The following UBIAD1 variants were observed in gnomAD, a reference collection of about 807,000 sequenced individuals.
UBIAD1 encodes UbiA prenyltransferase domain containing 1, also known as ubiA prenyltransferase domain-containing protein 1.
UBIAD1 carries 12 observed loss-of-function variants against 20.1 expected under a neutral mutation model. The observed-to-expected ratio is 0.60, with a 90% CI of 0.38 to 0.97. The LOEUF (loss-of-function observed/expected upper bound fraction) is 0.97. Ranked by LOEUF, UBIAD1 falls within the 50% of genes least tolerant of loss-of-function variation. The pLI is 0.00. For synonymous variants in UBIAD1, 207 were observed against 189.2 expected, an observed-to-expected ratio of 1.09 and a Z score of -0.77; for missense variants, 333 against 419.5, an observed-to-expected ratio of 0.79 and a Z score of 1.80.
rs1451070040 is a variant in UBIAD1, at chr1:11,288,142, C to T, written c.*2011C>T. ...GCTCACAGGGGTTTTGCCTTCTGAC[C>T]TCTCCTTGGAGTAGGCCATTCTCAT... On this transcript the variant is annotated 3_prime_UTR_variant, in exon 2 of 2. Coordinates refer to ENST00000376810, the MANE Select transcript of UBIAD1 (RefSeq NM_013319.3). 2 of 152,138 alleles carry T rather than the reference C, an allele frequency of 1.3e-5. No individual in the cohort carries two copies. Among genetic ancestry groups the T allele is most frequent in the African/African-American group, 4.8e-5 (2 of 41,426 alleles). 9.4% of individuals were successfully genotyped at this position (152,138 alleles called of 1,614,324 possible). A position where few individuals can be genotyped will look rare whatever the true frequency, so the allele number is the denominator to read the frequency against.
Position 11,295,047 on chromosome 1 carries a change from G to A in UBIAD1, c.*164G>A. ...CTCGGGGTGGGCAGCATCTGGAGCT[G>A]ACAATTGTATGCATGTTCAGGACAC... On this transcript the variant is annotated 3_prime_UTR_variant, in exon 2 of 2. Coordinates refer to the UBIAD1 transcript ENST00000376804. 4 of 683,100 alleles carry A rather than the reference G, an allele frequency of 5.9e-6. No individual in the cohort carries two copies. In the South Asian group the frequency reaches 6.3e-5, roughly 11 times the overall value. The allele number at this position is 683,100 out of a possible 1,614,324, so 42.3% of individuals were successfully genotyped here.
At chr1:11,292,691 AC>A (rs1638386389), downstream of UBIAD1, among the ~76,000 whole-genome samples, 2 of 151,780 alleles carry the variant, frequency 1.3e-5, no homozygotes, top group Non-Finnish European at 2.9e-5. Context: ...ACACACACAC[AC>A]ACACACACAC....
At chr1:11,294,768 T>A in intron 1 of UBIAD1, 1 of 715,730 alleles carries the variant, frequency 1.4e-6, no homozygotes, top group African/African-American at 1.7e-5. Flanking sequence ...TAATGGAGAG[T>A]GGCTCCTGCC....
chr1:11,275,407 T>G (rs2101014369), intron 1 of UBIAD1, among the ~76,000 whole-genome samples: 1 of 152,212 alleles, frequency 6.6e-6, no homozygotes, highest in African/African-American at 2.4e-5. Flanking sequence ...GGACACAGAT[T>G]ACTATTTTAA....
chr1:11,275,827 T>C (rs1652003332), intron 1 of UBIAD1, among the ~76,000 whole-genome samples: 2 of 151,944 alleles, frequency 1.3e-5, no homozygotes, highest in South Asian at 4.2e-4. Context: ...AGAGGAGCAT[T>C]TCAGGAAAAG....
chr1:11,278,860 A>G (rs891687404), intron 1 of UBIAD1: 2 of 424,768 alleles, frequency 4.7e-6, no homozygotes, highest in Non-Finnish European at 8.8e-6. Context: ...TTTTCAGGCT[A>G]TATATTCTTT....
At chr1:11,289,932 A>G (rs1638338090), downstream of UBIAD1, among the ~76,000 whole-genome samples, 1 of 152,054 alleles carries the variant, frequency 6.6e-6, no homozygotes, top group African/African-American at 2.4e-5. Context: ...GGGTTTCACC[A>G]TGTTGGCCAG....
intron 1 of UBIAD1, among the ~76,000 whole-genome samples, chr1:11,275,244 G>T (rs1043400742): frequency 6.6e-6 from 1 of 152,202 alleles, no homozygotes; most frequent in Non-Finnish European, 1.5e-5. Context: ...ATCCTGGTTT[G>T]CTCAGGACTA....
At chr1:11,277,924 G>A (rs1380816654) in intron 1 of UBIAD1, among the ~76,000 whole-genome samples, 1 of 151,758 alleles carries the variant, frequency 6.6e-6, no homozygotes, top group African/African-American at 2.4e-5. Flanking sequence ...CATTAAAGGT[G>A]TGAGCCACCT....
chr1:11,290,199 C>G (rs534808350), downstream of UBIAD1, among the ~76,000 whole-genome samples: 2 of 152,154 alleles, frequency 1.3e-5, no homozygotes, highest in African/African-American at 4.8e-5. Flanking sequence ...TTATTCTGCT[C>G]CCCAGGCAGG....
At position 11,273,772 on chromosome 1, in the gene UBIAD1, CCCAGGCTCTTGG is replaced by C; in HGVS notation, c.242_253del (p.Pro81_Val85delinsLeu). The C allele has an allele frequency of 6.2e-7, 1 of 1,614,120 alleles. No individual in the cohort carries two copies. The highest frequency in any genetic ancestry group is 8.5e-7 in the Non-Finnish European group (1 of 1,180,024). On this transcript the variant is annotated inframe_deletion, in exon 1 of 2. Coordinates refer to ENST00000376810, the MANE Select transcript of UBIAD1 (RefSeq NM_013319.3). The surrounding 1 kb of genome is among the most constrained non-coding windows in gnomAD (Gnocchi z 4.9). ...CTACAGATCCCACGGTGTCCTGGAT[CCCAGGCTCTTGG>C]TGGGTTGTGCCGTGGCTGTCCTGGC...
Position 11,286,194 on chromosome 1 carries a change from T to A in UBIAD1, c.*63T>A. The A allele has an allele frequency of 1.2e-6, 2 of 1,607,370 alleles. No individual in the cohort carries two copies. The highest frequency in any genetic ancestry group is 1.7e-6 in the Non-Finnish European group (2 of 1,175,794). ...CTTAGAATATATTAAAGTCAGAGTCTCTGAGGAAGGAATGTGATTTGGCAG... is the reference window on the plus strand; with the variant it reads ...CTTAGAATATATTAAAGTCAGAGTCACTGAGGAAGGAATGTGATTTGGCAG... On this transcript the variant is annotated 3_prime_UTR_variant, in exon 2 of 2. Coordinates refer to ENST00000376810, the MANE Select transcript of UBIAD1 (RefSeq NM_013319.3).
At chr1:11,281,641 T>G (rs1295819834) in intron 1 of UBIAD1, among the ~76,000 whole-genome samples, 7 of 152,156 alleles carry the variant, frequency 4.6e-5, no homozygotes, top group African/African-American at 1.7e-4. Context: ...ATGTATACAG[T>G]TGCATAACCC....
chr1:11,275,009 TATAG>T (rs1377466087), intron 1 of UBIAD1, among the ~76,000 whole-genome samples: 5 of 152,184 alleles, frequency 3.3e-5, no homozygotes, highest in East Asian at 1.9e-4. Context: ...TTCAAAATGA[TATAG>T]ATAATTACTT....
rs1651873105 is a variant in UBIAD1 at position 11,273,662 on chromosome 1, A to C, written c.131A>C (p.Gln44Pro). ...AGGCTCCCCCAGCGCTCCTGGAGGC[A>C]GAAGTGTGCCTCCTACGTGTTGGCC... ...QDRLPQRSWR[Q>P]KCASYVLALR... is the part of the protein sequence containing the mutation. The change falls in exon 1 of 2, where the codon CAG becomes CCG. Residue 44 changes from glutamine to proline, a missense_variant. Gln to Pro is a moderately conservative substitution (Grantham distance 76, BLOSUM62 -1). This residue lies in a region of UBIAD1 where 57 missense variants were observed against 54.7 expected (regional missense o/e 1.04). Coordinates refer to ENST00000376810, the MANE Select transcript of UBIAD1 (RefSeq NM_013319.3). This position sits in a 1 kb window ranked among gnomAD's most constrained non-coding sequence, Gnocchi z 4.9. 2 of 1,614,166 alleles carry C rather than the reference A, an allele frequency of 1.2e-6. No individual in the cohort carries two copies. The highest frequency in any genetic ancestry group is 1.7e-6 in the Non-Finnish European group (2 of 1,180,032).
Position 11,285,667 on chromosome 1 carries a change from C to G in UBIAD1, c.553C>G (p.Leu185Val). ...AGGAATTGGATTCAAGTACGTGGCT[C>G]TGGGAGACCTCATCATCCTCATCAC... The part of the protein sequence containing the change: ...TGGIGFKYVA[L>V]GDLIILITFG... Residue 185 changes from leucine (L) to valine (V), a missense_variant, in exon 2 of 2, where the codon CTG becomes GTG. By Grantham distance (32) the Leu-to-Val change is conservative (BLOSUM62 1). Coordinates refer to ENST00000376810, the MANE Select transcript of UBIAD1 (RefSeq NM_013319.3). This position sits in a 1 kb window ranked among gnomAD's most constrained non-coding sequence, Gnocchi z 4.4. 1 of 1,614,200 alleles carries G rather than the reference C, an allele frequency of 6.2e-7. No individual in the cohort carries two copies. The highest frequency in any genetic ancestry group is 8.5e-7 in the Non-Finnish European group (1 of 1,180,048).
In UBIAD1 at chr1:11,286,294, T is replaced by C. The variant is rs1638261131; in HGVS notation, c.*163T>C. On this transcript the variant is annotated 3_prime_UTR_variant, in exon 2 of 2. Transcript: ENST00000376810. ...TGTGTTCTTAAAGATAATATGTTGT[T>C]TTTCTGTTTTTTGTTTTTTCCATTT... 1.1e-6 allele frequency: 1 copy of C among 933,778 alleles called. No homozygotes were observed. 57.8% of individuals were successfully genotyped at this position (933,778 alleles called of 1,614,324 possible).
downstream of UBIAD1, among the ~76,000 whole-genome samples, chr1:11,298,650 T>C (rs751881630): frequency 6.6e-6 from 1 of 152,202 alleles, no homozygotes; most frequent in Admixed American, 6.5e-5. This position sits in a 1 kb window ranked among gnomAD's most constrained non-coding sequence, Gnocchi z 4.0. Context: ...TGTACACTTA[T>C]GGACATTTGG....
At chr1:11,278,748 G>A (rs138930834) in intron 1 of UBIAD1, 107 of 629,544 alleles carry the variant, frequency 1.7e-4, no homozygotes, top group Non-Finnish European at 2.4e-4. Context: ...GGTGTGCTGC[G>A]GTCATCCACC....
Sources: gnomAD v4.1 joint callset for allele counts (sites outside exome capture counted in the v4.1 genomes callset) on GRCh38, gnomAD v4.1.1 for gene constraint, gnomAD v4.1.1 regional missense constraint, Gnocchi (gnomAD v3.1) non-coding constraint, MANE v1.5 for transcripts, NCBI Gene and HGNC (gene_info 2026-07-23, HGNC 2026-07-21) for gene names.